VRK2: variants seen among roughly 807,000 people sequenced by gnomAD.
VRK2 encodes VRK serine/threonine kinase 2.
A neutral mutation model predicts 57.6 loss-of-function variants in VRK2; 60 were observed. The observed-to-expected ratio is 1.04, with a 90% CI of 0.85 to 1.29. VRK2 has a LOEUF of 1.29. Among genes scored for constraint, VRK2 ranks in the 50% most tolerant of loss-of-function variants. The pLI, the probability that VRK2 is intolerant of heterozygous loss-of-function variation, is 0.00. For synonymous variants in VRK2, 231 were observed against 199.2 expected, an observed-to-expected ratio of 1.16 and a Z score of -1.35; for missense variants, 705 against 588.1, an observed-to-expected ratio of 1.20 and a Z score of -2.06.
At chr2:57,981,029 T>C (rs1475794101) in intron 1 of VRK2, among the ~76,000 whole-genome samples, 1 of 152,178 alleles carries the variant, frequency 6.6e-6, no homozygotes, top group East Asian at 1.9e-4. Context: ...CCCACTTACA[T>C]TCAAAGTTAA....
intron 1 of VRK2, among the ~76,000 whole-genome samples, chr2:58,010,217 G>A (rs1673378553): frequency 6.6e-6 from 1 of 151,876 alleles, no homozygotes; most frequent in African/African-American, 2.4e-5. Flanking sequence ...TGTGACCTTG[G>A]GCAAATCACT....
intron 2 of VRK2, among the ~76,000 whole-genome samples, chr2:58,062,898 G>A (rs773907320): frequency 4.6e-5 from 7 of 152,124 alleles, no homozygotes; most frequent in South Asian, 2.1e-4. Flanking sequence ...CAAATTTTCA[G>A]TGTAAATGAA....
rs757329042 is a variant in VRK2 at position 58,084,128 on chromosome 2, T to G, written c.176T>G (p.Val59Gly). ...AAACCAGAGAAAGATGCAAGACATGTAGTAAAAGTGGTAAGTGTTGCTCAT... is the reference window on the plus strand; with the variant it reads ...AAACCAGAGAAAGATGCAAGACATGGAGTAAAAGTGGTAAGTGTTGCTCAT... ...TNKPEKDARH[V>G]VKVEYQENGP... Residue 59 changes from valine to glycine, a missense_variant, in exon 3 of 13, where the codon GTA (valine) becomes GGA (glycine). By Grantham distance (109) the Val-to-Gly change is moderately radical. Transcript: ENST00000340157. 6.2e-7 allele frequency: 1 copy of G among 1,607,156 alleles called. No individual in the cohort carries two copies.
At chr2:58,159,163 G>A in intron 12 of VRK2, 186 bp from the exon 13 acceptor site, 1 of 470,810 alleles carries the variant, frequency 2.1e-6, no homozygotes, top group East Asian at 3.2e-5. Context: ...CTTGTTGGAT[G>A]TTTATAAACT....
At chr2:58,120,169 A>ATTT (rs1274870288) in intron 7 of VRK2, among the ~76,000 whole-genome samples, 2 of 71,500 alleles carry the variant, frequency 2.8e-5, no homozygotes, top group African/African-American at 1.2e-4. Context: ...CTTTTTGTCT[A>ATTT]TTTTTTTTTC....
At chr2:57,914,680 T>C (rs1040783728) in intron 1 of VRK2, among the ~76,000 whole-genome samples, 2 of 152,142 alleles carry the variant, frequency 1.3e-5, no homozygotes, top group African/African-American at 4.8e-5. Flanking sequence ...AACAGATGTA[T>C]ATACATTCAC....
intron 11 of VRK2, among the ~76,000 whole-genome samples, chr2:58,140,833 A>G (rs1191482561): frequency 6.6e-6 from 1 of 152,044 alleles, no homozygotes; most frequent in East Asian, 1.9e-4. Context: ...AAGTATTTGA[A>G]TGACTGTGGT....
At chr2:58,017,075 T>G (rs1242526725) in intron 1 of VRK2, among the ~76,000 whole-genome samples, 1 of 152,144 alleles carries the variant, frequency 6.6e-6, no homozygotes, top group African/African-American at 2.4e-5. Flanking sequence ...GAGTCCCAAG[T>G]GGCTGCAGTG....
At chr2:58,138,394 A>G (rs1393307185) in intron 10 of VRK2, among the ~76,000 whole-genome samples, 2 of 152,114 alleles carry the variant, frequency 1.3e-5, no homozygotes, top group African/African-American at 2.4e-5. Context: ...AAAATAGATG[A>G]AAAAAACAGG....
intron 2 of VRK2, among the ~76,000 whole-genome samples, chr2:58,049,947 A>G (rs1675459156): frequency 6.6e-6 from 1 of 152,212 alleles, no homozygotes; most frequent in African/African-American, 2.4e-5. Context: ...TTAAGTGTCT[A>G]TTCTAGTTGG....
intron 1 of VRK2, among the ~76,000 whole-genome samples, chr2:58,013,646 C>A (rs1054593385): frequency 4.6e-5 from 7 of 151,262 alleles, no homozygotes; most frequent in Non-Finnish European, 1.0e-4. Context: ...CCGAGGCGGG[C>A]GGATCACGAG....
intron 1 of VRK2, among the ~76,000 whole-genome samples, chr2:57,989,209 C>T (rs559014065): frequency 3.3e-5 from 5 of 152,314 alleles, no homozygotes; most frequent in Non-Finnish European, 7.4e-5. Context: ...GTCTTTGTTT[C>T]TGGCACCAAA....
At chr2:57,974,885 T>A (rs956143832) in intron 1 of VRK2, among the ~76,000 whole-genome samples, 1 of 151,856 alleles carries the variant, frequency 6.6e-6, no homozygotes, top group Non-Finnish European at 1.5e-5. Flanking sequence ...AAGCTATTTA[T>A]ATATACACAC....
chr2:57,953,934 A>C (rs1256908211), intron 1 of VRK2, among the ~76,000 whole-genome samples: 1 of 152,204 alleles, frequency 6.6e-6, no homozygotes, highest in Non-Finnish European at 1.5e-5. Flanking sequence ...ATATTACTTA[A>C]GATAACAGCT....
chr2:57,994,656 C>T (rs1160555319), intron 1 of VRK2, among the ~76,000 whole-genome samples: 1 of 152,024 alleles, frequency 6.6e-6, no homozygotes, highest in East Asian at 1.9e-4. Flanking sequence ...GGTCTCAGGG[C>T]CCCCTTGGAC....
At chr2:58,069,047 T>A (rs542699170) in intron 2 of VRK2, among the ~76,000 whole-genome samples, 1 of 152,332 alleles carries the variant, frequency 6.6e-6, no homozygotes, top group African/African-American at 2.4e-5. Context: ...TTTTCATATA[T>A]GAGTTTTTTT....
At chr2:58,110,059 C>G (rs538953268) in intron 7 of VRK2, among the ~76,000 whole-genome samples, 10 of 151,496 alleles carry the variant, frequency 6.6e-5, no homozygotes, top group Non-Finnish European at 1.2e-4. Flanking sequence ...TACCTGTGTA[C>G]AAATCTGGCC....
intron 1 of VRK2, among the ~76,000 whole-genome samples, chr2:57,908,416 T>C (rs2103876876): frequency 6.6e-6 from 1 of 152,296 alleles, no homozygotes; most frequent in South Asian, 2.1e-4. Context: ...ATAGTCACAA[T>C]TTTGTCTGTG....
At chr2:58,033,006 C>G (rs115624597) in intron 2 of VRK2, among the ~76,000 whole-genome samples, 340 of 152,214 alleles carry the variant, frequency 2.2e-3, no homozygotes, top group Middle Eastern at 3.4e-3. Flanking sequence ...TTCACAAATA[C>G]CATCACATAT....
Sources: allele counts gnomAD v4.1 joint callset (sites outside exome capture counted in the v4.1 genomes callset), GRCh38; gene constraint gnomAD v4.1.1; transcripts MANE v1.5; gene names NCBI Gene and HGNC (gene_info 2026-07-23, HGNC 2026-07-21).